The following GALNT2 variants were observed in gnomAD, a reference collection of about 807,000 sequenced individuals.
The protein encoded by GALNT2 is polypeptide N-acetylgalactosaminyltransferase 2.
GALNT2 carries 31 observed loss-of-function variants against 81.4 expected under a neutral mutation model. The ratio of observed to expected loss-of-function variants is 0.38; its 90% CI spans 0.29 to 0.51. GALNT2 has a LOEUF of 0.51. GALNT2 is among the 20% of genes least tolerant of loss of function. The pLI, the probability that GALNT2 is intolerant of heterozygous loss-of-function variation, is 0.87. For missense variants in GALNT2, 629 were observed against 765.7 expected, an observed-to-expected ratio of 0.82 and a Z score of 2.11; for synonymous variants, 303 against 287.4, an observed-to-expected ratio of 1.05 and a Z score of -0.55.
intron 3 of GALNT2, among the ~76,000 whole-genome samples, chr1:230,225,342 T>G (rs1029813384): frequency 2.6e-5 from 4 of 152,164 alleles, no homozygotes; most frequent in Non-Finnish European, 5.9e-5. Context: ...AAGCTGAACA[T>G]CTTGTTTGGG....
intron 2 of GALNT2, among the ~76,000 whole-genome samples, chr1:230,188,112 G>A (rs78094036): frequency 0.022 from 3,408 of 152,230 alleles, 121 homozygotes; most frequent in African/African-American, 0.076. Context: ...GTATCATAAA[G>A]TGTATTTAAA....
chr1:230,182,162 ATTGATATT>A (rs1663180233), intron 2 of GALNT2, among the ~76,000 whole-genome samples: 1 of 148,258 alleles, frequency 6.7e-6, no homozygotes, highest in African/African-American at 2.5e-5. Context: ...CATTGATTTT[ATTGATATT>A]TTGAGAGAAC....
At chr1:230,173,020 G>T (rs1267942908) in intron 1 of GALNT2, among the ~76,000 whole-genome samples, 1 of 152,128 alleles carries the variant, frequency 6.6e-6, no homozygotes, top group Non-Finnish European at 1.5e-5. Context: ...CCTCTGTTGT[G>T]TGCATTTGTA....
chr1:230,120,165 G>C (rs140961276), intron 1 of GALNT2, among the ~76,000 whole-genome samples: 1 of 151,906 alleles, frequency 6.6e-6, no homozygotes, highest in East Asian at 1.9e-4. Context: ...CGTTGGGGGT[G>C]GGGGTGGGGG....
At chr1:230,236,563 G>C (rs892527189) in intron 5 of GALNT2, 97 bp from the exon 6 acceptor site, 33 of 1,434,568 alleles carry the variant, frequency 2.3e-5, no homozygotes, top group Non-Finnish European at 3.2e-5. Flanking sequence ...GCCCCAAGGA[G>C]ATAATCGGCC....
intron 6 of GALNT2, among the ~76,000 whole-genome samples, chr1:230,237,193 G>A (rs1041597858): frequency 1.3e-5 from 2 of 152,324 alleles, no homozygotes; most frequent in East Asian, 1.9e-4. Flanking sequence ...TGCCAACCTC[G>A]GAACCTTCTG....
chr1:230,107,722 G>A (rs891340397), intron 1 of GALNT2, among the ~76,000 whole-genome samples: 1 of 151,844 alleles, frequency 6.6e-6, no homozygotes, highest in African/African-American at 2.4e-5. Flanking sequence ...ACATATTGGT[G>A]CTTTAGCAGG....
intron 1 of GALNT2, among the ~76,000 whole-genome samples, chr1:230,095,692 C>G (rs1660233427): frequency 6.6e-6 from 1 of 152,198 alleles, no homozygotes. Flanking sequence ...AGTCTGGTGT[C>G]AAACTTGAAC....
At chr1:230,274,165 A>G (rs1002827903) in intron 14 of GALNT2, among the ~76,000 whole-genome samples, 1 of 152,264 alleles carries the variant, frequency 6.6e-6, no homozygotes. Flanking sequence ...ATTTGGGGCT[A>G]AAATAGTTAA....
chr1:230,059,621 TTTATC>T (rs1658996346), intron 1 of GALNT2, among the ~76,000 whole-genome samples: 1 of 152,210 alleles, frequency 6.6e-6, no homozygotes, highest in African/African-American at 2.4e-5. Flanking sequence ...GTTTCTGCCT[TTTATC>T]TAATCAGCAG....
intron 3 of GALNT2, among the ~76,000 whole-genome samples, chr1:230,224,878 C>T (rs1050056038): frequency 1.3e-5 from 2 of 151,796 alleles, no homozygotes; most frequent in Admixed American, 6.6e-5. Context: ...AACATGCTTC[C>T]GACTCCTATA....
intron 11 of GALNT2, among the ~76,000 whole-genome samples, chr1:230,256,469 C>T (rs964557938): frequency 1.7e-4 from 25 of 150,896 alleles, no homozygotes; most frequent in African/African-American, 5.6e-4. Context: ...AAAGCCTCAC[C>T]TCTTAATACT....
chr1:230,177,933 G>T (rs1663036845), intron 1 of GALNT2, among the ~76,000 whole-genome samples: 1 of 152,128 alleles, frequency 6.6e-6, no homozygotes, highest in Non-Finnish European at 1.5e-5. Flanking sequence ...AAAGCCCTGG[G>T]AGTTTTTGGA....
chr1:230,211,325 C>T (rs756008060), intron 3 of GALNT2, among the ~76,000 whole-genome samples: 17 of 152,126 alleles, frequency 1.1e-4, no homozygotes, highest in African/African-American at 1.7e-4. Flanking sequence ...TGGGGACAGG[C>T]GCTTCTCTAG....
At chr1:230,178,820 C>T (rs372553132) in intron 2 of GALNT2, among the ~76,000 whole-genome samples, 1 of 152,112 alleles carries the variant, frequency 6.6e-6, no homozygotes, top group African/African-American at 2.4e-5. Flanking sequence ...CTCGATGTTA[C>T]ACATTCTGTG....
At chr1:230,131,561 C>T (rs1284220887) in intron 1 of GALNT2, among the ~76,000 whole-genome samples, 5 of 152,148 alleles carry the variant, frequency 3.3e-5, no homozygotes, top group African/African-American at 1.2e-4. Flanking sequence ...AGGTCTTAAG[C>T]ACTAGCCACC....
chr1:230,213,666 A>C (rs1664299423), intron 3 of GALNT2, among the ~76,000 whole-genome samples: 2 of 152,104 alleles, frequency 1.3e-5, no homozygotes, highest in South Asian at 4.1e-4. Flanking sequence ...CCAACATCTC[A>C]CTGGTTGTGT....
At chr1:230,164,370 T>A (rs975125763) in intron 1 of GALNT2, among the ~76,000 whole-genome samples, 3 of 152,226 alleles carry the variant, frequency 2.0e-5, no homozygotes, top group Non-Finnish European at 2.9e-5. Flanking sequence ...ACAGCGGTGA[T>A]AAGCGCACAA....
chr1:230,245,405 G>T (rs1665335295), intron 7 of GALNT2, among the ~76,000 whole-genome samples: 1 of 151,900 alleles, frequency 6.6e-6, no homozygotes, highest in African/African-American at 2.4e-5. Flanking sequence ...CGGCGGTTGT[G>T]GTGAGCCAAG....
Sources: gnomAD v4.1 joint callset for allele counts (sites outside exome capture counted in the v4.1 genomes callset) on GRCh38, gnomAD v4.1.1 for gene constraint, MANE v1.5 for transcripts, NCBI Gene and HGNC (gene_info 2026-07-23, HGNC 2026-07-21) for gene names.